Variants in NTM observed in about 807,000 individuals in gnomAD.
NTM encodes the protein neurotrimin.
NTM carries 13 observed loss-of-function variants against 42.1 expected under a neutral mutation model. The ratio of observed to expected loss-of-function variants is 0.31; its 90% CI spans 0.20 to 0.49. NTM has a LOEUF of 0.49. NTM is among the 20% of genes least tolerant of loss of function. The probability of loss-of-function intolerance (pLI) is 0.99; values close to 1 mark genes in which losing one functional copy is unlikely to be tolerated. For missense variants in NTM, 373 were observed against 452.8 expected, an observed-to-expected ratio of 0.82 and a Z score of 1.60; for synonymous variants, 187 against 179.2, an observed-to-expected ratio of 1.04 and a Z score of -0.35.
Position 131,412,944 on chromosome 11 carries a change from C to G in NTM, c.82+42056C>G, listed in dbSNP as rs190473394. 1.9e-3 allele frequency among the ~76,000 whole-genome samples: 293 copies of G among 152,184 alleles called. 1 individual carries two copies. Among genetic ancestry groups the G allele is most frequent in the African/African-American group, 6.7e-3 (278 of 41,510 alleles). ...CAATGGTTTTAGATTCTGGGTGGAG[C>G]CTGGCCCAGTTACTGAGGTCTTAGG... On this transcript the variant is annotated intron_variant, in intron 1 of 8. Transcript: ENST00000683400.
intron 1 of NTM, among the ~76,000 whole-genome samples, chr11:131,476,026 G>C (rs1269822549): frequency 6.6e-6 from 1 of 152,062 alleles, no homozygotes; most frequent in Non-Finnish European, 1.5e-5. Flanking sequence ...GAAGGAAGGA[G>C]TGAAGGAAGG....
chr11:131,504,850 G>A (rs370820935), intron 1 of NTM, among the ~76,000 whole-genome samples: 2 of 152,142 alleles, frequency 1.3e-5, no homozygotes, highest in South Asian at 2.1e-4. Flanking sequence ...CCTGCACCCC[G>A]CTCCAGCCTG....
intron 2 of NTM, among the ~76,000 whole-genome samples, chr11:132,128,902 C>T (rs1175973525): frequency 7.3e-6 from 1 of 137,732 alleles, no homozygotes; most frequent in Non-Finnish European, 1.5e-5. Flanking sequence ...TGCACCACTT[C>T]ACTCCAGCCT....
At chr11:131,650,351 G>A (rs1255987007) in intron 1 of NTM, among the ~76,000 whole-genome samples, 1 of 152,116 alleles carries the variant, frequency 6.6e-6, no homozygotes, top group Admixed American at 6.5e-5. Flanking sequence ...CTGTGGCGAG[G>A]GGCCATTGCT....
At chr11:132,161,394 T>TC (rs2074245001) in intron 3 of NTM, among the ~76,000 whole-genome samples, 2 of 90,544 alleles carry the variant, frequency 2.2e-5, no homozygotes, top group South Asian at 3.0e-4. Flanking sequence ...TTTTTTTTTT[T>TC]TCCCCACAAA....
chr11:131,818,428 C>A (rs1410400411), intron 1 of NTM, among the ~76,000 whole-genome samples: 1 of 152,134 alleles, frequency 6.6e-6, no homozygotes, highest in Non-Finnish European at 1.5e-5. Flanking sequence ...TCCCTCTTGG[C>A]TCTAAAGACA....
chr11:132,321,214 A>G (rs1274884176), intron 7 of NTM, among the ~76,000 whole-genome samples: 4 of 152,136 alleles, frequency 2.6e-5, no homozygotes, highest in Admixed American at 6.5e-5. Context: ...AGCTTCAGAC[A>G]ATCAAATTGC....
rs192921710 is a variant in NTM at position 132,039,870 on chromosome 11, C to T, written c.168-106412C>T. Among the ~76,000 whole-genome samples the T allele has an allele frequency of 2.0e-3, 302 of 152,228 alleles. 4 individuals carry two copies. The highest frequency in any genetic ancestry group is 6.2e-3 in the African/African-American group (256 of 41,540). ...ATGAAATCTACCATATTCACCTCAT[C>T]GAGAATTTGTGAGCGTCAACTAAGA... On this transcript the variant is annotated intron_variant, in intron 2 of 8. Coordinates refer to ENST00000683400, the MANE Select transcript of NTM (RefSeq NM_001352005.2).
At chr11:132,089,749 C>T (rs942147712) in intron 2 of NTM, among the ~76,000 whole-genome samples, 4 of 152,170 alleles carry the variant, frequency 2.6e-5, no homozygotes, top group Non-Finnish European at 5.9e-5. Context: ...CAAGCTTCAA[C>T]ATAAATTTGA....
At chr11:132,317,587 A>G (rs1206446746) in intron 7 of NTM, 8 of 889,718 alleles carry the variant, frequency 9.0e-6, no homozygotes, top group African/African-American at 1.7e-5. Flanking sequence ...TGACAAATAT[A>G]TAGCACTGTA....
intron 4 of NTM, among the ~76,000 whole-genome samples, chr11:132,262,115 G>GC (rs2092898196): frequency 1.3e-5 from 2 of 152,108 alleles, no homozygotes; most frequent in South Asian, 4.1e-4. Flanking sequence ...CTGGCATTGT[G>GC]CCTGTAGCTG....
chr11:131,505,613 C>G (rs1405380585), intron 1 of NTM, among the ~76,000 whole-genome samples: 1 of 152,154 alleles, frequency 6.6e-6, no homozygotes, highest in African/African-American at 2.4e-5. Context: ...AATCTAGGTT[C>G]TAAAACTGGC....
chr11:131,918,546 G>A (rs1465478906), intron 2 of NTM, among the ~76,000 whole-genome samples: 2 of 152,164 alleles, frequency 1.3e-5, no homozygotes. Flanking sequence ...CACAGTGAAG[G>A]TATTTTCCCA....
At chr11:131,892,596 T>C (rs1317074980) in intron 1 of NTM, among the ~76,000 whole-genome samples, 1 of 152,234 alleles carries the variant, frequency 6.6e-6, no homozygotes, top group East Asian at 1.9e-4. Context: ...TTGACTGCAT[T>C]GTCGGCATGG....
At chr11:131,606,866 A>G (rs1470646250) in intron 1 of NTM, among the ~76,000 whole-genome samples, 1 of 152,236 alleles carries the variant, frequency 6.6e-6, no homozygotes, top group Admixed American at 6.5e-5. Context: ...CCGTGGTTTA[A>G]GAGACCACAT....
chr11:132,086,997 G>T (rs1396723219), intron 2 of NTM, among the ~76,000 whole-genome samples: 1 of 152,180 alleles, frequency 6.6e-6, no homozygotes, highest in Admixed American at 6.5e-5. Context: ...CAGAGGTTCA[G>T]GATGCATTCA....
At chr11:132,054,294 G>T (rs2079282392) in intron 2 of NTM, among the ~76,000 whole-genome samples, 1 of 152,172 alleles carries the variant, frequency 6.6e-6, no homozygotes, top group South Asian at 2.1e-4. Context: ...CCTGAGATTT[G>T]CTATATAGCC....
At chr11:132,048,746 G>A (rs143943465) in intron 2 of NTM, among the ~76,000 whole-genome samples, 2 of 151,044 alleles carry the variant, frequency 1.3e-5, no homozygotes, top group African/African-American at 4.9e-5. Context: ...CCAAAACCCA[G>A]CAATATCGAC....
intron 1 of NTM, among the ~76,000 whole-genome samples, chr11:131,697,831 C>G (rs59042370): frequency 0.027 from 4,181 of 152,252 alleles, 193 homozygotes; most frequent in African/African-American, 0.095. Flanking sequence ...TCCTCATGAT[C>G]AGTTGTTTTC....
Sources: gnomAD v4.1 joint callset for allele counts (sites outside exome capture counted in the v4.1 genomes callset) on GRCh38, gnomAD v4.1.1 for gene constraint, MANE v1.5 for transcripts, NCBI Gene and HGNC (gene_info 2026-07-23, HGNC 2026-07-21) for gene names.